Variants in ADGRE1 observed in about 807,000 individuals in gnomAD.
The protein encoded by ADGRE1 is adhesion G protein-coupled receptor E1.
A neutral mutation model predicts 102.7 loss-of-function variants in ADGRE1; 82 were observed. The observed-to-expected ratio is 0.80, with a 90% CI of 0.67 to 0.96. The LOEUF (loss-of-function observed/expected upper bound fraction) is 0.96. Ranked by LOEUF, ADGRE1 falls within the 40% of genes least tolerant of loss-of-function variation. The pLI is 0.00. For synonymous variants in ADGRE1, 398 were observed against 399.6 expected (o/e 1.00, Z 0.05); for missense variants, 1,032 against 1,085.3 (o/e 0.95, Z 0.69).
Position 6,921,846 on chromosome 19 carries a change from C to A in ADGRE1, c.1754C>A (p.Ala585Glu), listed in dbSNP as rs1317702056. The A allele has an allele frequency of 1.7e-5, 27 of 1,614,034 alleles. No homozygotes were observed. Among genetic ancestry groups the A allele is most frequent in the Non-Finnish European group, 2.3e-5 (27 of 1,179,968 alleles). Reference sequence around the variant, plus strand: ...ACCATCTGCAGCTGTAATCAGATGGCAAATCTTGCCGTTATCATGGCGTCT... The same window carrying A: ...ACCATCTGCAGCTGTAATCAGATGGAAAATCTTGCCGTTATCATGGCGTCT... ...TYTICSCNQM[A>E]NLAVIMASGE... Residue 585 changes from alanine to glutamate, a missense_variant, in exon 14 of 21, where the codon GCA becomes GAA. Ala to Glu is a moderately radical substitution (Grantham distance 107). Coordinates refer to ENST00000312053, the MANE Select transcript of ADGRE1 (RefSeq NM_001974.5).
At chr19:6,911,134 G>A (rs1358359758) in intron 10 of ADGRE1, among the ~76,000 whole-genome samples, 6 of 152,096 alleles carry the variant, frequency 3.9e-5, no homozygotes, top group African/African-American at 1.4e-4. Flanking sequence ...TCAGTGGGGA[G>A]GGGAGTCCCA....
At chr19:6,922,894 G>A (rs1169229381) in intron 14 of ADGRE1, among the ~76,000 whole-genome samples, 2 of 151,954 alleles carry the variant, frequency 1.3e-5, no homozygotes, top group East Asian at 1.9e-4. Context: ...TGGCTAACAC[G>A]GTGAAACCCC....
At chr19:6,926,662 A>G (rs1974925771) in intron 16 of ADGRE1, 61 bp downstream of exon 16, 66 of 1,534,548 alleles carry the variant, frequency 4.3e-5, no homozygotes, top group Non-Finnish European at 5.8e-5. Context: ...TGATAATGAC[A>G]TGAGCAACAA....
At chr19:6,934,354 T>A (rs532649470) in intron 17 of ADGRE1, among the ~76,000 whole-genome samples, 1 of 152,100 alleles carries the variant, frequency 6.6e-6, no homozygotes, top group South Asian at 2.1e-4. Flanking sequence ...AATTGCTGCA[T>A]GGATCATTCT....
At chr19:6,932,185 TG>T (rs1323975260) in intron 17 of ADGRE1, among the ~76,000 whole-genome samples, 1 of 152,128 alleles carries the variant, frequency 6.6e-6, no homozygotes, top group Admixed American at 6.5e-5. Context: ...AATAAAATTC[TG>T]GGCCGGGCGT....
chr19:6,911,638 CACAT>C (rs778231847), intron 10 of ADGRE1, among the ~76,000 whole-genome samples: 16 of 151,568 alleles, frequency 1.1e-4, no homozygotes, highest in Non-Finnish European at 1.6e-4. Context: ...TAAACACACA[CACAT>C]ATACACACAT....
At chr19:6,931,057 C>G (rs1975123027) in intron 17 of ADGRE1, among the ~76,000 whole-genome samples, 1 of 152,002 alleles carries the variant, frequency 6.6e-6, no homozygotes, top group Non-Finnish European at 1.5e-5. Flanking sequence ...TAACCATCCC[C>G]TCTTCCCTGT....
intron 12 of ADGRE1, among the ~76,000 whole-genome samples, chr19:6,918,294 A>G (rs1974479058): frequency 6.6e-6 from 1 of 152,060 alleles, no homozygotes; most frequent in Non-Finnish European, 1.5e-5. Flanking sequence ...ACAAAAAATT[A>G]GCTGGGTGTG....
Position 6,940,273 on chromosome 19 carries a change from A to T in ADGRE1, c.*244A>T, listed in dbSNP as rs10407357. On this transcript the variant is annotated 3_prime_UTR_variant, in exon 21 of 21. Coordinates refer to ENST00000312053, the MANE Select transcript of ADGRE1 (RefSeq NM_001974.5). ...TGCTCTGCAACTTCTTCAATTCCAG[A>T]GTTTCTGAGAACAGACCCAAATTCA... 10,422 of 584,940 alleles carry T rather than the reference A, an allele frequency of 0.018. 640 individuals are homozygous for T. The highest frequency in any genetic ancestry group is 0.15 in the African/African-American group (7,920 of 53,582). The allele number at this position is 584,940 out of a possible 1,614,324, so 36.2% of individuals were successfully genotyped here.
rs987184346 is a variant in ADGRE1, at chr19:6,916,364, C to T, written c.1416C>T (p.Ser472=). The T allele has an allele frequency of 8.1e-6, 13 of 1,612,906 alleles. No individual in the cohort carries two copies. Among genetic ancestry groups the T allele is most frequent in the East Asian group, 2.2e-5 (1 of 44,840 alleles). Reference sequence around the variant, plus strand: ...GTTCCACAATTGAGGAATCTGAATCCACAGGTACAGGTCCTCTCCTGAGAA... The same window carrying T: ...GTTCCACAATTGAGGAATCTGAATCTACAGGTACAGGTCCTCTCCTGAGAA... The part of the protein sequence containing the change: ...IGCSTIEESE[S]TETTGVAFVS... The change falls in exon 12 of 21, where the codon TCC becomes TCT. Residue 472 remains serine, a synonymous_variant. Transcript: ENST00000312053.
intron 13 of ADGRE1, among the ~76,000 whole-genome samples, chr19:6,921,064 T>A (rs1408732478): frequency 6.6e-6 from 1 of 152,076 alleles, no homozygotes; most frequent in Non-Finnish European, 1.5e-5. Flanking sequence ...TGCAGGAGGA[T>A]CACTTGAGGT....
chr19:6,903,999 T>C (rs779877618), intron 7 of ADGRE1, 37 bp from the exon 8 acceptor site: 7 of 1,613,924 alleles, frequency 4.3e-6, no homozygotes, highest in Non-Finnish European at 5.9e-6. Context: ...TTCTCTTTGC[T>C]CTTCTGGGTT....
At chr19:6,903,341 G>A (rs1281429677) in intron 6 of ADGRE1, among the ~76,000 whole-genome samples, 1 of 152,176 alleles carries the variant, frequency 6.6e-6, no homozygotes, top group Non-Finnish European at 1.5e-5. Context: ...ATTTTGTCCA[G>A]TGTCTGAGTC....
intron 16 of ADGRE1, among the ~76,000 whole-genome samples, chr19:6,927,826 C>T (rs925920172): frequency 6.6e-6 from 1 of 151,916 alleles, no homozygotes; most frequent in African/African-American, 2.4e-5. Context: ...CACGCCCGGC[C>T]TGAGCTGAGA....
intron 2 of ADGRE1, among the ~76,000 whole-genome samples, chr19:6,892,723 A>G (rs1269964334): frequency 6.6e-6 from 1 of 152,264 alleles, no homozygotes; most frequent in Non-Finnish European, 1.5e-5. Flanking sequence ...GTGTCCGTCA[A>G]CAGATGAATG....
At chr19:6,898,457 G>A (rs1050236361) in intron 5 of ADGRE1, 13 of 1,594,668 alleles carry the variant, frequency 8.2e-6, no homozygotes, top group East Asian at 4.5e-5. Flanking sequence ...AATTTCTCCT[G>A]TACTGGTGAT....
intron 12 of ADGRE1, 136 bp from the exon 13 acceptor site, chr19:6,919,412 C>G: frequency 4.2e-6 from 1 of 237,496 alleles, no homozygotes. Flanking sequence ...ATGACTCTCT[C>G]TCTCTCTCTC....
In ADGRE1 at chr19:6,916,628, A is replaced by C. The variant is rs181849844; in HGVS notation, c.1420+260A>C. Reference sequence around the variant, plus strand: ...GCTGTTGAGCAGTTGAAATTTGTATAAGCCAGGTTGAGAGGTACTGTAAAC... The same window carrying C: ...GCTGTTGAGCAGTTGAAATTTGTATCAGCCAGGTTGAGAGGTACTGTAAAC... On this transcript the variant is annotated intron_variant, in intron 12 of 20. Coordinates refer to ENST00000312053, the MANE Select transcript of ADGRE1 (RefSeq NM_001974.5). 3.9e-5 allele frequency among the ~76,000 whole-genome samples: 6 copies of C among 152,282 alleles called. No individual in the cohort carries two copies. In the East Asian group the frequency reaches 1.2e-3, roughly 29 times the overall value.
At chr19:6,918,212 G>A (rs1434739465) in intron 12 of ADGRE1, among the ~76,000 whole-genome samples, 2 of 152,128 alleles carry the variant, frequency 1.3e-5, no homozygotes, top group African/African-American at 4.8e-5. Context: ...GGCCAAGGCG[G>A]GCAGATCACC....
Sources: allele counts gnomAD v4.1 joint callset (sites outside exome capture counted in the v4.1 genomes callset), GRCh38; gene constraint gnomAD v4.1.1; transcripts MANE v1.5; gene names NCBI Gene and HGNC (gene_info 2026-07-23, HGNC 2026-07-21).